The following ADGRG4 variants were observed in gnomAD, a reference collection of about 807,000 sequenced individuals.
The protein encoded by ADGRG4 is G protein-coupled receptor 112.
Under a neutral mutation model 126.2 loss-of-function variants are expected in ADGRG4, and 122 were observed. The observed-to-expected ratio is 0.97, with a 90% CI of 0.83 to 1.12. The LOEUF (loss-of-function observed/expected upper bound fraction) is 1.12, where lower values mean the gene tolerates loss of function less well. Among genes scored for constraint, ADGRG4 ranks in the 50% most tolerant of loss-of-function variants. The pLI is 0.00. For synonymous variants in ADGRG4, 943 were observed against 838.7 expected, an observed-to-expected ratio of 1.12 and a Z score of -2.15; for missense variants, 2,481 against 2,251.8, an observed-to-expected ratio of 1.10 and a Z score of -2.06.
At chrX:136,388,678 A>G in intron 16 of ADGRG4, among the ~76,000 whole-genome samples, 1 of 111,904 alleles carries the variant, frequency 8.9e-6, no homozygotes, top group African/African-American at 3.3e-5. Context: ...ATTCGTTTAG[A>G]CCACTCTGTC....
Position 136,412,337 on chromosome X carries a change from G to A in ADGRG4, c.9008G>A (p.Cys3003Tyr), listed in dbSNP as rs374696869. The A allele has an allele frequency of 8.4e-7, 1 of 1,187,438 alleles. No individual in the cohort carries two copies. The highest frequency in any genetic ancestry group is 1.1e-6 in the Non-Finnish European group (1 of 873,084). The stretch of plus-strand genomic sequence containing the variant: ...GAGCAGTGGCAGATACACCTCTGCT[G>A]TGGGTGGTTGCGATTGGATAACTCT... The part of the protein sequence containing the change: ...VREQWQIHLC[C>Y]GWLRLDNSSD... The change falls in exon 24 of 26, where the codon TGT becomes TAT. Residue 3003 changes from cysteine to tyrosine, a missense_variant. By Grantham distance (194) the Cys-to-Tyr change is radical (BLOSUM62 -2). Coordinates refer to ENST00000394143, the MANE Select transcript of ADGRG4 (RefSeq NM_153834.4).
At chrX:136,354,211 A>C (rs2075079946) in intron 8 of ADGRG4, among the ~76,000 whole-genome samples, 1 of 111,969 alleles carries the variant, frequency 8.9e-6, no homozygotes, top group South Asian at 3.8e-4. Context: ...AATGTACGGT[A>C]GGTTATTGTC....
intron 4 of ADGRG4, 43 bp downstream of exon 4, chrX:136,308,890 A>G (rs1375340179): frequency 1.3e-6 from 1 of 764,251 alleles, no homozygotes; most frequent in South Asian, 2.2e-5. Flanking sequence ...TGTCTCATGT[A>G]TAGTAGGTTA....
intron 13 of ADGRG4, among the ~76,000 whole-genome samples, chrX:136,366,595 T>C (rs2075160018): frequency 8.9e-6 from 1 of 112,237 alleles, no homozygotes; most frequent in South Asian, 3.7e-4. Flanking sequence ...GTATGTTTAG[T>C]TTTGTAAGAA....
chrX:136,358,330 G>C (rs1053584431), intron 10 of ADGRG4, among the ~76,000 whole-genome samples: 1 of 111,368 alleles, frequency 9.0e-6, no homozygotes, highest in African/African-American at 3.3e-5. Flanking sequence ...GAGACAGGAT[G>C]AGCAGGGACT....
At chrX:136,395,327 T>C (rs2075340852) in intron 18 of ADGRG4, 63 bp from the exon 19 acceptor site, 6 of 688,637 alleles carry the variant, frequency 8.7e-6, no homozygotes, top group Non-Finnish European at 1.4e-5. Context: ...GTGAATATAA[T>C]GAAAAGTTAA....
At chrX:136,392,114 T>C in intron 16 of ADGRG4, 118 bp from the exon 17 acceptor site, 1 of 604,815 alleles carries the variant, frequency 1.7e-6, no homozygotes, top group East Asian at 3.8e-5. Context: ...CTTGCAATTT[T>C]ATTTTCCACA....
At chrX:136,372,351 T>C (rs773331075) in intron 14 of ADGRG4, among the ~76,000 whole-genome samples, 14 of 111,735 alleles carry the variant, frequency 1.3e-4, no homozygotes, top group African/African-American at 4.2e-4. Flanking sequence ...TACCATCCTA[T>C]TCCTAGCCCC....
At chrX:136,340,861 G>A in intron 5 of ADGRG4, among the ~76,000 whole-genome samples, 1 of 111,807 alleles carries the variant, frequency 8.9e-6, no homozygotes, top group Admixed American at 9.5e-5. Flanking sequence ...GGATTTTAAT[G>A]AATGAAGACT....
intron 5 of ADGRG4, among the ~76,000 whole-genome samples, chrX:136,328,496 T>C (rs755649655): frequency 4.0e-4 from 45 of 112,170 alleles, no homozygotes; most frequent in African/African-American, 1.4e-3. Context: ...AAATTCCTTT[T>C]AGATCTGCAT....
chrX:136,346,673 C>G lies in ADGRG4; in HGVS notation c.2967C>G (p.Ser989=). The change falls in exon 6 of 26, where the codon TCC becomes TCG. Residue 989 remains serine (S), a synonymous_variant. Transcript: ENST00000394143. The part of the protein sequence containing the change: ...STTPTDRTAT[S]LSDGILPPQP... ...CCCCTACAGACAGGACAGCTACGTC[C>G]TTGTCTGATGGTATCTTACCTCCAC... is the stretch of plus-strand genomic sequence containing the variant. The G allele has an allele frequency of 2.5e-6, 3 of 1,211,003 alleles. No individual in the cohort carries two copies. Among genetic ancestry groups the G allele is most frequent in the Non-Finnish European group, 1.1e-6 (1 of 895,037 alleles).
At chrX:136,321,968 A>G (rs2074842149) in intron 4 of ADGRG4, among the ~76,000 whole-genome samples, 1 of 111,966 alleles carries the variant, frequency 8.9e-6, no homozygotes, top group Non-Finnish European at 1.9e-5. Flanking sequence ...CCAAATCTCC[A>G]TTTTACTGAA....
At chrX:136,406,851 G>C (rs1174754052) in intron 23 of ADGRG4, among the ~76,000 whole-genome samples, 5 of 109,637 alleles carry the variant, frequency 4.6e-5, no homozygotes, top group Non-Finnish European at 7.6e-5. Context: ...GGGAGGCAGA[G>C]GTTGCAGTGA....
intron 15 of ADGRG4, among the ~76,000 whole-genome samples, chrX:136,385,271 T>C (rs1170050287): frequency 9.0e-6 from 1 of 111,583 alleles, no homozygotes; most frequent in East Asian, 2.8e-4. Context: ...TTTTAGCTAC[T>C]CTTGCCACAA....
intron 5 of ADGRG4, among the ~76,000 whole-genome samples, chrX:136,327,997 A>C (rs2148454185): frequency 9.0e-6 from 1 of 111,672 alleles, no homozygotes; most frequent in South Asian, 3.7e-4. Flanking sequence ...ATTGTTAATA[A>C]TTTCTTATAT....
chrX:136,409,759 T>C (rs1333926662), intron 23 of ADGRG4, among the ~76,000 whole-genome samples: 1 of 112,145 alleles, frequency 8.9e-6, no homozygotes, highest in Non-Finnish European at 1.9e-5. Flanking sequence ...AAACTTCCCA[T>C]TGAGTGACAG....
intron 13 of ADGRG4, among the ~76,000 whole-genome samples, chrX:136,369,037 T>G (rs958537368): frequency 8.9e-6 from 1 of 111,850 alleles, no homozygotes; most frequent in African/African-American, 3.3e-5. Context: ...ATCAATTGCC[T>G]GCCATGTGAG....
intron 1 of ADGRG4, among the ~76,000 whole-genome samples, chrX:136,301,947 G>A (rs2074703245): frequency 8.9e-6 from 1 of 111,984 alleles, no homozygotes. Flanking sequence ...GTATATCTCT[G>A]TTTTGGTACC....
chrX:136,392,015 G>A (rs1569335900), intron 16 of ADGRG4, among the ~76,000 whole-genome samples: 1 of 112,167 alleles, frequency 8.9e-6, no homozygotes, highest in Non-Finnish European at 1.9e-5. Context: ...TTGGTTGGAT[G>A]GATGGATGGA....
Sources: gnomAD v4.1 joint callset for allele counts (sites outside exome capture counted in the v4.1 genomes callset) on GRCh38, gnomAD v4.1.1 for gene constraint, MANE v1.5 for transcripts, NCBI Gene and HGNC (gene_info 2026-07-23, HGNC 2026-07-21) for gene names.